MAP3K8: variants seen among roughly 807,000 people sequenced by gnomAD.
MAP3K8 encodes mitogen-activated protein kinase kinase kinase 8.
MAP3K8 carries 22 observed loss-of-function variants against 45.8 expected under a neutral mutation model. The observed-to-expected ratio is 0.48, with a 90% CI of 0.34 to 0.69. The LOEUF (loss-of-function observed/expected upper bound fraction) is 0.69, where lower values mean the gene tolerates loss of function less well. MAP3K8 is among the 30% of genes least tolerant of loss of function. MAP3K8 has a pLI of 0.01. For synonymous variants in MAP3K8, 223 were observed against 214.3 expected, an observed-to-expected ratio of 1.04 and a Z score of -0.36; for missense variants, 419 against 585.0, an observed-to-expected ratio of 0.72 and a Z score of 2.93.
chr10:30,460,567 A>T (rs781496700), intron 8 of MAP3K8, 139 bp from the exon 9 acceptor site: 23 of 610,388 alleles, frequency 3.8e-5, no homozygotes, highest in Non-Finnish European at 4.9e-5. Context: ...GAACTTAGCC[A>T]TAGTGTTCAA....
At chr10:30,444,909 C>G (rs1836260343) in intron 3 of MAP3K8, among the ~76,000 whole-genome samples, 1 of 152,192 alleles carries the variant, frequency 6.6e-6, no homozygotes, top group Non-Finnish European at 1.5e-5. Context: ...CACTAACTAG[C>G]ATGTTCCTTA....
At chr10:30,454,632 G>T (rs184576797) in intron 6 of MAP3K8, among the ~76,000 whole-genome samples, 1 of 151,704 alleles carries the variant, frequency 6.6e-6, no homozygotes, top group Admixed American at 6.6e-5. Context: ...GCACTCTCCC[G>T]GGCAGCAGAA....
At chr10:30,436,580 A>G (rs1835915594) in intron 1 of MAP3K8, among the ~76,000 whole-genome samples, 1 of 152,062 alleles carries the variant, frequency 6.6e-6, no homozygotes, top group South Asian at 2.1e-4. Context: ...TTTAAAAACT[A>G]ACATCTTGTC....
At position 30,451,716 on chromosome 10, in the gene MAP3K8, A is replaced by C; in HGVS notation, c.845A>C (p.Tyr282Ser). Residue 282 changes from tyrosine to serine, a missense_variant, in exon 6 of 9, where the codon TAT becomes TCT. Physicochemically the swap from Tyr to Ser is moderately radical, Grantham distance 144. This residue lies in a region of MAP3K8 where 209 missense variants were observed against 367.3 expected (regional missense o/e 0.57). Transcript: ENST00000263056. ...GLSVQMTEDV[Y>S]FPKDLRGTEI... ...AGTGTTCAAATGACCGAAGATGTCTATTTTCCTAAGGACCTCCGAGGAACA... is the reference window on the plus strand; with the variant it reads ...AGTGTTCAAATGACCGAAGATGTCTCTTTTCCTAAGGACCTCCGAGGAACA... The C allele has an allele frequency of 6.3e-7, 1 of 1,591,754 alleles. No homozygotes were observed. Among genetic ancestry groups the C allele is most frequent in the East Asian group, 2.2e-5 (1 of 44,524 alleles).
intron 2 of MAP3K8, among the ~76,000 whole-genome samples, chr10:30,438,188 C>T (rs1397279893): frequency 6.6e-6 from 1 of 152,192 alleles, no homozygotes; most frequent in African/African-American, 2.4e-5. Flanking sequence ...AAGATGTTTG[C>T]TTTGCACTAT....
At chr10:30,450,237 G>C in intron 4 of MAP3K8, 21 bp from the exon 5 acceptor site, 1 of 1,559,976 alleles carries the variant, frequency 6.4e-7, no homozygotes, top group Non-Finnish European at 8.7e-7. Context: ...TTAGAATCTC[G>C]CTTGTATTTT....
At chr10:30,449,092 T>C (rs1307462972) in intron 4 of MAP3K8, among the ~76,000 whole-genome samples, 2 of 152,198 alleles carry the variant, frequency 1.3e-5, no homozygotes, top group Non-Finnish European at 1.5e-5. Context: ...TGAGATCTAC[T>C]GTATGAGATT....
chr10:30,459,465 A>G lies in MAP3K8; in HGVS notation c.1237A>G (p.Ser413Gly), dbSNP rs767775264. 1.2e-6 allele frequency: 2 copies of G among 1,614,108 alleles called. No individual in the cohort carries two copies. The highest frequency in any genetic ancestry group is 4.5e-5 in the East Asian group (2 of 44,886). The change falls in exon 8 of 9, where the codon AGT becomes GGT. Residue 413 changes from serine to glycine, a missense_variant. By Grantham distance (56) the Ser-to-Gly change is moderately conservative. Transcript: ENST00000263056. Reference sequence around the variant, plus strand: ...CCTCTTGGAGCGCAAGAGGCTGCTGAGTAGGAAGGAGCTGGAACTTCCTGA... The same window carrying G: ...CCTCTTGGAGCGCAAGAGGCTGCTGGGTAGGAAGGAGCTGGAACTTCCTGA... ...SALLERKRLL[S>G]RKELELPENI... is the part of the protein sequence containing the mutation.
At chr10:30,442,360 G>C (rs1403597010) in intron 3 of MAP3K8, among the ~76,000 whole-genome samples, 1 of 152,226 alleles carries the variant, frequency 6.6e-6, no homozygotes, top group African/African-American at 2.4e-5. Flanking sequence ...GTTGGAGTCA[G>C]CTAGATGAAG....
At position 30,459,451 on chromosome 10, in the gene MAP3K8, G is replaced by T; in HGVS notation, c.1223G>T (p.Arg408Leu). ...AGTCTGGACTCTGCCCTCTTGGAGC[G>T]CAAGAGGCTGCTGAGTAGGAAGGAG... is the stretch of plus-strand genomic sequence containing the variant. ...CQSLDSALLERKRLLSRKELE... is the reference protein window; with the variant it reads ...CQSLDSALLELKRLLSRKELE... The change falls in exon 8 of 9, where the codon CGC becomes CTC. Residue 408 changes from arginine to leucine, a missense_variant. Coordinates refer to ENST00000263056, the MANE Select transcript of MAP3K8 (RefSeq NM_005204.4). 3 of 1,614,002 alleles carry T rather than the reference G, an allele frequency of 1.9e-6. No individual in the cohort carries two copies. The highest frequency in any genetic ancestry group is 2.5e-6 in the Non-Finnish European group (3 of 1,179,938).
At chr10:30,445,686 T>C (rs8176991) in intron 3 of MAP3K8, among the ~76,000 whole-genome samples, 1,647 of 152,304 alleles carry the variant, frequency 0.011, 26 homozygotes, top group African/African-American at 0.037. Flanking sequence ...ACATACAGGT[T>C]ATCTTTCAAA....
At chr10:30,454,837 G>A (rs971183249) in intron 6 of MAP3K8, among the ~76,000 whole-genome samples, 2 of 151,606 alleles carry the variant, frequency 1.3e-5, no homozygotes, top group African/African-American at 2.4e-5. Flanking sequence ...TAATGCTTAC[G>A]ACATGTTTTC....
At chr10:30,437,996 T>C (rs998941497) in intron 2 of MAP3K8, among the ~76,000 whole-genome samples, 1 of 152,232 alleles carries the variant, frequency 6.6e-6, no homozygotes, top group Admixed American at 6.5e-5. Context: ...TGCTTTACTT[T>C]CTTTTTCTCA....
chr10:30,444,767 C>T (rs980344450), intron 3 of MAP3K8, among the ~76,000 whole-genome samples: 10 of 152,208 alleles, frequency 6.6e-5, no homozygotes, highest in African/African-American at 2.2e-4. Context: ...TTTTTATAAC[C>T]CGGCATTTAA....
At chr10:30,446,070 A>G (rs202162340) in intron 3 of MAP3K8, among the ~76,000 whole-genome samples, 22 of 152,036 alleles carry the variant, frequency 1.4e-4, no homozygotes, top group African/African-American at 3.9e-4. Context: ...TAAGTTTTAA[A>G]AAAATAGAAA....
chr10:30,442,133 C>G (rs1401782286), intron 3 of MAP3K8, among the ~76,000 whole-genome samples: 2 of 152,246 alleles, frequency 1.3e-5, no homozygotes, highest in Non-Finnish European at 2.9e-5. Flanking sequence ...ATGGAACAGT[C>G]TGTGCCTCTG....
At position 30,450,463 on chromosome 10, in the gene MAP3K8, T is replaced by C. The variant is rs1162966054; in HGVS notation, c.710T>C (p.Val237Ala). ...EFEIIWVTKH[V>A]LKGLDFLHSK... Reference sequence around the variant, plus strand: ...GAAATTATTTGGGTGACAAAGCATGTTCTCAAGGGACTTGATTTTCTACAC... The same window carrying C: ...GAAATTATTTGGGTGACAAAGCATGCTCTCAAGGGACTTGATTTTCTACAC... The change falls in exon 5 of 9, where the codon GTT becomes GCT. Residue 237 changes from valine to alanine, a missense_variant. Physicochemically the swap from Val to Ala is moderately conservative, Grantham distance 64. Around this residue, in one of 3 missense-constraint regions of MAP3K8, gnomAD observed 209 missense variants for 367.3 expected, o/e 0.57. Coordinates refer to ENST00000263056, the MANE Select transcript of MAP3K8 (RefSeq NM_005204.4). The C allele has an allele frequency of 6.2e-7, 1 of 1,614,136 alleles. No homozygotes were observed. Among genetic ancestry groups the C allele is most frequent in the Admixed American group, 1.7e-5 (1 of 60,016 alleles).
rs148453211 is a variant in MAP3K8, at chr10:30,439,305, T to C, written c.336+31T>C. On this transcript the variant is annotated intron_variant, in intron 3 of 8. Transcript: ENST00000263056. ...TTTCTTTCCGATCAGTTGGGTGCTA[T>C]GTGCTCAGCTTTCCTACTGCAGCTT... The C allele has an allele frequency of 1.3e-4, 202 of 1,609,948 alleles. 1 individual carries two copies. The East Asian group carries it at 4.4e-3, about 35-fold the overall frequency.
chr10:30,458,066 T>C lies in MAP3K8; in HGVS notation c.874-18T>C. 1 of 1,449,258 alleles carries C rather than the reference T, an allele frequency of 6.9e-7. No individual in the cohort carries two copies. The allele number at this position is 1,449,258 out of a possible 1,614,324, so 89.8% of individuals were successfully genotyped here. On this transcript the variant is annotated intron_variant, in intron 6 of 8. Coordinates refer to ENST00000263056, the MANE Select transcript of MAP3K8 (RefSeq NM_005204.4). ...AAAGGAGGGGAATGAAGCTGAATGT[T>C]TCCCACTTCTTTTTCAGATTTACAT... is the stretch of plus-strand genomic sequence containing the variant.
Sources: allele counts gnomAD v4.1 joint callset (sites outside exome capture counted in the v4.1 genomes callset), GRCh38; gene constraint gnomAD v4.1.1; regional missense constraint gnomAD v4.1.1; transcripts MANE v1.5; gene names NCBI Gene and HGNC (gene_info 2026-07-23, HGNC 2026-07-21).